LRRC7: variants seen among roughly 807,000 people sequenced by gnomAD.
The protein encoded by LRRC7 is leucine-rich repeat-containing protein 7.
Under a neutral mutation model 175.7 loss-of-function variants are expected in LRRC7, and 23 were observed. That is an observed-to-expected ratio of 0.13 (90% CI 0.09 to 0.19). The LOEUF (loss-of-function observed/expected upper bound fraction) is 0.19, where lower values mean the gene tolerates loss of function less well. Ranked by LOEUF, LRRC7 falls within the 10% of genes least tolerant of loss-of-function variation. The pLI, the probability that LRRC7 is intolerant of heterozygous loss-of-function variation, is 1.00. For missense variants in LRRC7, 1,354 were observed against 1,904.7 expected, an observed-to-expected ratio of 0.71 and a Z score of 5.38; for synonymous variants, 685 against 680.9, an observed-to-expected ratio of 1.01 and a Z score of -0.09.
chr1:70,095,974 TTTTTTTG>T (rs1180952945), intron 25 of LRRC7, among the ~76,000 whole-genome samples: 3 of 152,072 alleles, frequency 2.0e-5, no homozygotes, highest in Non-Finnish European at 4.4e-5. Flanking sequence ...TTTTTTTGTT[TTTTTTTG>T]TTTTTTGTTT....
intron 11 of LRRC7, among the ~76,000 whole-genome samples, chr1:70,003,517 A>G (rs184734551): frequency 2.6e-5 from 4 of 152,330 alleles, no homozygotes; most frequent in Admixed American, 2.6e-4. Flanking sequence ...CAAATAATGC[A>G]TTTGCCAGAG....
intron 1 of LRRC7, among the ~76,000 whole-genome samples, chr1:69,597,844 G>A (rs1247933757): frequency 6.6e-6 from 1 of 152,152 alleles, no homozygotes; most frequent in Non-Finnish European, 1.5e-5. Context: ...GCAATACCAT[G>A]CAGCAATATG....
chr1:69,708,149 C>T (rs769405950), intron 2 of LRRC7, among the ~76,000 whole-genome samples: 8 of 152,112 alleles, frequency 5.3e-5, no homozygotes, highest in Non-Finnish European at 1.2e-4. Context: ...CCCTTAAAGC[C>T]ACAATATATA....
chr1:69,994,475 A>G, intron 10 of LRRC7, 86 bp from the exon 11 acceptor site: 1 of 955,206 alleles, frequency 1.0e-6, no homozygotes, highest in Non-Finnish European at 1.7e-6. Flanking sequence ...AGCATTCAAC[A>G]CAAGTGATTC....
At chr1:69,717,770 A>AAAAGAAAGAAAGAAAGAAGAAAG (rs1665560362) in intron 2 of LRRC7, among the ~76,000 whole-genome samples, 1 of 42,392 alleles carries the variant, frequency 2.4e-5, no homozygotes, top group African/African-American at 1.1e-4. Flanking sequence ...AAAAAAGAAA[A>AAAAGAAAGAAAGAAAGAAGAAAG]AAAGAAAGAA....
At chr1:69,839,771 G>A (rs571880204) in intron 7 of LRRC7, among the ~76,000 whole-genome samples, 1 of 151,934 alleles carries the variant, frequency 6.6e-6, no homozygotes, top group African/African-American at 2.4e-5. Context: ...ACCTGACATA[G>A]GTTGTTAGGT....
In LRRC7 at chr1:70,131,999, G is replaced by A. The variant is rs190053458; in HGVS notation, c.*10112G>A. On this transcript the variant is annotated 3_prime_UTR_variant, in exon 27 of 27. Transcript: ENST00000651989. ...ACAAGAACAGACTAGGGCTGGGAAA[G>A]AGGGGAATTAATAAGTTATTAAGGA... Among the ~76,000 whole-genome samples, 2 of 152,322 alleles carry A rather than the reference G, an allele frequency of 1.3e-5. No individual in the cohort carries two copies. Among genetic ancestry groups the A allele is most frequent in the Admixed American group, 1.3e-4 (2 of 15,296 alleles).
chr1:70,109,481 G>A (rs1166696133), intron 26 of LRRC7, among the ~76,000 whole-genome samples: 1 of 152,210 alleles, frequency 6.6e-6, no homozygotes, highest in Non-Finnish European at 1.5e-5. Flanking sequence ...GCAGGCAGAA[G>A]ATGTAAATAG....
intron 1 of LRRC7, among the ~76,000 whole-genome samples, chr1:69,617,370 A>G (rs1364458014): frequency 1.3e-5 from 2 of 151,916 alleles, no homozygotes; most frequent in Non-Finnish European, 2.9e-5. Context: ...CCATTGTATC[A>G]CCAGCACTTG....
At chr1:69,823,870 A>G (rs1679592064) in intron 4 of LRRC7, among the ~76,000 whole-genome samples, 1 of 152,188 alleles carries the variant, frequency 6.6e-6, no homozygotes, top group Non-Finnish European at 1.5e-5. Flanking sequence ...TTTTCAGAGT[A>G]GAAAACTAAG....
chr1:69,923,794 C>T (rs1646969164), intron 7 of LRRC7, among the ~76,000 whole-genome samples: 1 of 151,980 alleles, frequency 6.6e-6, no homozygotes, highest in African/African-American at 2.4e-5. Context: ...TGTGCAGAAG[C>T]TCTTTAGTTT....
chr1:70,103,232 A>AAT (rs1664918384), intron 25 of LRRC7, among the ~76,000 whole-genome samples: 2 of 147,156 alleles, frequency 1.4e-5, no homozygotes, highest in South Asian at 4.7e-4. Context: ...CTGTCTCAAA[A>AAT]AGAAAAAAAA....
chr1:69,599,317 T>C (rs1266489595), intron 1 of LRRC7, among the ~76,000 whole-genome samples: 4 of 152,166 alleles, frequency 2.6e-5, no homozygotes, highest in South Asian at 2.1e-4. Flanking sequence ...TTGCCACTTA[T>C]CTTGTTGCAA....
At chr1:69,917,518 A>G (rs747216934) in intron 7 of LRRC7, among the ~76,000 whole-genome samples, 1 of 152,098 alleles carries the variant, frequency 6.6e-6, no homozygotes, top group Non-Finnish European at 1.5e-5. Context: ...TACTTTTCTG[A>G]CAATCAGTAA....
At chr1:69,845,768 G>C (rs932414827) in intron 7 of LRRC7, among the ~76,000 whole-genome samples, 6 of 151,996 alleles carry the variant, frequency 3.9e-5, no homozygotes, top group Admixed American at 3.3e-4. Context: ...CATTGTCAAG[G>C]ACAGCTTACA....
chr1:69,979,383 T>C (rs1355443318), intron 8 of LRRC7, among the ~76,000 whole-genome samples: 1 of 152,244 alleles, frequency 6.6e-6, no homozygotes, highest in Non-Finnish European at 1.5e-5. Context: ...CTATTCTCTC[T>C]ATACAGTCTG....
chr1:69,717,684 C>G (rs1384736384), intron 2 of LRRC7, among the ~76,000 whole-genome samples: 2 of 148,690 alleles, frequency 1.3e-5, no homozygotes, highest in African/African-American at 2.5e-5. Context: ...TTATAGATAC[C>G]TTGATAATAG....
chr1:70,058,560 T>C (rs1161072789), intron 23 of LRRC7, among the ~76,000 whole-genome samples: 1 of 152,238 alleles, frequency 6.6e-6, no homozygotes, highest in East Asian at 1.9e-4. Context: ...CCACAGTCAC[T>C]ATAGTCAGAA....
At chr1:69,986,908 G>T (rs143662084) in intron 10 of LRRC7, among the ~76,000 whole-genome samples, 1,714 of 152,190 alleles carry the variant, frequency 0.011, 36 homozygotes, top group African/African-American at 0.039. Context: ...CAAATAATTT[G>T]CCGGTTAGTG....
Sources: allele counts gnomAD v4.1 joint callset (sites outside exome capture counted in the v4.1 genomes callset), GRCh38; gene constraint gnomAD v4.1.1; transcripts MANE v1.5; gene names NCBI Gene and HGNC (gene_info 2026-07-23, HGNC 2026-07-21).